SEMA5A: variants seen among roughly 807,000 people sequenced by gnomAD.
SEMA5A encodes semaphorin-5A.
SEMA5A carries 55 observed loss-of-function variants against 135.5 expected under a neutral mutation model. That is an observed-to-expected ratio of 0.41 (90% CI 0.33 to 0.51). The LOEUF is 0.51. Among genes scored for constraint, SEMA5A ranks in the 20% least tolerant of loss-of-function variants. The probability of loss-of-function intolerance (pLI) is 0.37; values close to 1 mark genes in which losing one functional copy is unlikely to be tolerated. For synonymous variants in SEMA5A, 580 were observed against 546.5 expected, an observed-to-expected ratio of 1.06 and a Z score of -0.85; for missense variants, 1,290 against 1,419.9, an observed-to-expected ratio of 0.91 and a Z score of 1.47.
At chr5:9,278,168 C>A (rs1750361778) in intron 5 of SEMA5A, among the ~76,000 whole-genome samples, 1 of 150,344 alleles carries the variant, frequency 6.7e-6, no homozygotes, top group Non-Finnish European at 1.5e-5. Flanking sequence ...TAATGAGGAA[C>A]ATACTGGGAA....
intron 11 of SEMA5A, among the ~76,000 whole-genome samples, chr5:9,171,876 C>T (rs185041569): frequency 2.0e-5 from 3 of 152,232 alleles, no homozygotes; most frequent in East Asian, 1.9e-4. Context: ...GGCACAGAAA[C>T]GGCTCTAATT....
At chr5:9,191,626 AAGT>A (rs1319799429) in intron 10 of SEMA5A, among the ~76,000 whole-genome samples, 1 of 4,364 alleles carries the variant, frequency 2.3e-4, no homozygotes, top group African/African-American at 3.5e-4. Context: ...GCTTTTTGAA[AAGT>A]AGATGAGATA....
intron 16 of SEMA5A, among the ~76,000 whole-genome samples, chr5:9,070,889 G>A (rs1395841577): frequency 6.6e-6 from 1 of 152,188 alleles, no homozygotes; most frequent in East Asian, 1.9e-4. Flanking sequence ...GCAAAATCAT[G>A]AAGTGATTTA....
chr5:9,189,841 C>T (rs928040787), intron 11 of SEMA5A, among the ~76,000 whole-genome samples: 1 of 152,250 alleles, frequency 6.6e-6, no homozygotes, highest in Non-Finnish European at 1.5e-5. Context: ...CCATGTACCA[C>T]CATCCACGCA....
At chr5:9,143,229 A>G (rs1381529725) in intron 12 of SEMA5A, among the ~76,000 whole-genome samples, 1 of 152,192 alleles carries the variant, frequency 6.6e-6, no homozygotes, top group Non-Finnish European at 1.5e-5. Flanking sequence ...GCACAATTTC[A>G]AGTTATTATA....
At chr5:9,127,042 G>T (rs1260859709) in intron 13 of SEMA5A, among the ~76,000 whole-genome samples, 3 of 152,276 alleles carry the variant, frequency 2.0e-5, no homozygotes, top group African/African-American at 7.2e-5. Context: ...GGACAGGGAG[G>T]TAAGTTTTCC....
intron 18 of SEMA5A, 121 bp downstream of exon 18, chr5:9,062,766 A>G (rs1579324409): frequency 9.7e-7 from 1 of 1,026,122 alleles, no homozygotes; most frequent in East Asian, 2.5e-5. Flanking sequence ...TAGCCAAGAC[A>G]TTTATTAAGA....
chr5:9,264,995 G>A (rs1749606024), intron 5 of SEMA5A, among the ~76,000 whole-genome samples: 1 of 152,118 alleles, frequency 6.6e-6, no homozygotes, highest in African/African-American at 2.4e-5. Flanking sequence ...ACTTTGATCT[G>A]AAATTCCTTC....
intron 5 of SEMA5A, among the ~76,000 whole-genome samples, chr5:9,279,894 T>C (rs1750454468): frequency 6.6e-6 from 1 of 152,220 alleles, no homozygotes; most frequent in Admixed American, 6.5e-5. Flanking sequence ...TCTTCATAAA[T>C]TACCCAGCCT....
chr5:9,065,004 G>A (rs1737386862), intron 17 of SEMA5A, among the ~76,000 whole-genome samples: 1 of 152,190 alleles, frequency 6.6e-6, no homozygotes, highest in African/African-American at 2.4e-5. Flanking sequence ...TACAGCAAGA[G>A]TTTACAAAAT....
chr5:9,043,013 A>G lies in SEMA5A; in HGVS notation c.3109T>C (p.Phe1037Leu). 1 of 1,571,846 alleles carries G rather than the reference A, an allele frequency of 6.4e-7. No individual in the cohort carries two copies. Residue 1037 changes from phenylalanine to leucine, a missense_variant, in exon 23 of 23, where the codon TTT becomes CTT. Coordinates refer to ENST00000382496, the MANE Select transcript of SEMA5A (RefSeq NM_003966.3). ...TCTAGGATCAAGTTGTTTTTGTTAA[A>G]TGCCTGGAAAATATATTAAAAAAAA... is the stretch of plus-strand genomic sequence containing the variant. ...KYDSVEAIKA[F>L]NKNNLILEER...
chr5:9,453,736 G>C (rs944384961), intron 1 of SEMA5A, among the ~76,000 whole-genome samples: 1 of 152,150 alleles, frequency 6.6e-6, no homozygotes, highest in African/African-American at 2.4e-5. Context: ...TTCAGGATTT[G>C]CTAATTCAGT....
intron 9 of SEMA5A, among the ~76,000 whole-genome samples, chr5:9,197,747 TGTGTGTGTGTGTGTGTG>T (rs1745485885): frequency 7.5e-6 from 1 of 134,150 alleles, no homozygotes; most frequent in Non-Finnish European, 1.6e-5. Context: ...TGTGTGTGTG[TGTGTGTGTGTGTGTGTG>T]TGTGTGTGTG....
At chr5:9,234,286 G>A (rs1247390560) in intron 6 of SEMA5A, among the ~76,000 whole-genome samples, 1 of 152,210 alleles carries the variant, frequency 6.6e-6, no homozygotes, top group Non-Finnish European at 1.5e-5. Context: ...CATAGGGGCT[G>A]CCTTGTTTCT....
chr5:9,533,062 C>G (rs74493882), intron 1 of SEMA5A, among the ~76,000 whole-genome samples: 1,874 of 152,314 alleles, frequency 0.012, 42 homozygotes, highest in African/African-American at 0.043. Context: ...AATGAAGCAT[C>G]CTTTGACCAA....
chr5:9,346,736 G>A (rs985028442), intron 3 of SEMA5A, among the ~76,000 whole-genome samples: 22 of 152,270 alleles, frequency 1.4e-4, no homozygotes, highest in South Asian at 1.0e-3. Context: ...TTCCGGCCTC[G>A]TTTGCACACT....
In SEMA5A at chr5:9,154,488, C is replaced by T; in HGVS notation, c.1481G>A (p.Ser494Asn). Residue 494 changes from serine (S) to asparagine (N), a missense_variant and splice_region_variant, in exon 12 of 23, where the codon AGC becomes AAC. Coordinates refer to ENST00000382496, the MANE Select transcript of SEMA5A (RefSeq NM_003966.3). ...LKRCQFYRTR[S>N]TCIGAQDPYC... ...CATCCTGACCCCGGAGATGCCCTACCTGCGTGTGCGGTAGAACTGGCACCT... is the reference window on the plus strand; with the variant it reads ...CATCCTGACCCCGGAGATGCCCTACTTGCGTGTGCGGTAGAACTGGCACCT... 2 of 1,611,950 alleles carry T rather than the reference C, an allele frequency of 1.2e-6. No individual in the cohort carries two copies. Among genetic ancestry groups the T allele is most frequent in the Non-Finnish European group, 1.7e-6 (2 of 1,179,906 alleles).
chr5:9,146,302 T>A (rs972561183), intron 12 of SEMA5A, among the ~76,000 whole-genome samples: 1 of 152,238 alleles, frequency 6.6e-6, no homozygotes, highest in Non-Finnish European at 1.5e-5. Context: ...CTGCCATTTC[T>A]CTATTTTTAA....
chr5:9,431,066 T>A (rs1757840647), intron 2 of SEMA5A, among the ~76,000 whole-genome samples: 1 of 152,090 alleles, frequency 6.6e-6, no homozygotes, highest in Non-Finnish European at 1.5e-5. Context: ...TTGGCCAAAC[T>A]AGGGTTAAGA....
Sources: allele counts gnomAD v4.1 joint callset (sites outside exome capture counted in the v4.1 genomes callset), GRCh38; gene constraint gnomAD v4.1.1; transcripts MANE v1.5; gene names NCBI Gene and HGNC (gene_info 2026-07-23, HGNC 2026-07-21).